The following TSPAN16 variants were observed in gnomAD, a reference collection of about 807,000 sequenced individuals.
TSPAN16 encodes the protein tetraspanin-16.
In TSPAN16, 23 loss-of-function variants were observed where a neutral mutation model predicts 25.2. That is an observed-to-expected ratio of 0.91 (90% CI 0.66 to 1.29). The LOEUF (loss-of-function observed/expected upper bound fraction) is 1.29, where lower values mean the gene tolerates loss of function less well. TSPAN16 is among the 50% of genes most tolerant of loss of function. The pLI, the probability that TSPAN16 is intolerant of heterozygous loss-of-function variation, is 0.00. For missense variants in TSPAN16, 272 were observed against 299.9 expected (o/e 0.91, Z 0.69); for synonymous variants, 123 against 124.4 (o/e 0.99, Z 0.08).
intron 5 of TSPAN16, among the ~76,000 whole-genome samples, chr19:11,309,216 A>G (rs1026151379): frequency 2.7e-5 from 4 of 146,158 alleles, no homozygotes; most frequent in East Asian, 2.0e-4. Flanking sequence ...TCTAAAATAG[A>G]CAAAAAAAAA....
At chr19:11,311,955 C>G (rs1314357154) in intron 5 of TSPAN16, among the ~76,000 whole-genome samples, 184 bp from the exon 6 acceptor site, 1 of 152,064 alleles carries the variant, frequency 6.6e-6, no homozygotes, top group Non-Finnish European at 1.5e-5. Context: ...AGGGAAGATG[C>G]TAGGGTGGCG....
chr19:11,301,139 G>A lies in TSPAN16; in HGVS notation c.343-62G>A, dbSNP rs2080542485. 4 of 1,411,820 alleles carry A rather than the reference G, an allele frequency of 2.8e-6. No individual in the cohort carries two copies. The Admixed American group carries it at 5.1e-5, about 18-fold the overall frequency. 87.5% of individuals were successfully genotyped at this position (1,411,820 alleles called of 1,614,324 possible). A position where few individuals can be genotyped will look rare whatever the true frequency, so the allele number is the denominator to read the frequency against. The stretch of plus-strand genomic sequence containing the variant: ...CTCCCACTCTATCCTCAAGAACCTC[G>A]GCCAATGAACGGGCCACTCTTGCTA... On this transcript the variant is annotated intron_variant, in intron 3 of 6. Coordinates refer to ENST00000590327, the MANE Select transcript of TSPAN16 (RefSeq NM_001282509.2).
intron 5 of TSPAN16, among the ~76,000 whole-genome samples, chr19:11,310,469 A>T (rs2080678383): frequency 6.6e-6 from 1 of 150,524 alleles, no homozygotes. Flanking sequence ...GAGCCAAGTT[A>T]GCGCCACTAC....
At chr19:11,300,485 A>G (rs982425279) in intron 3 of TSPAN16, among the ~76,000 whole-genome samples, 1 of 152,206 alleles carries the variant, frequency 6.6e-6, no homozygotes, top group Non-Finnish European at 1.5e-5. Context: ...GTAGGCACAG[A>G]ACTGACAAGG....
At chr19:11,324,626 T>C (rs1179012265) in intron 6 of TSPAN16, 1 of 152,578 alleles carries the variant, frequency 6.6e-6, no homozygotes, top group Non-Finnish European at 1.5e-5. Flanking sequence ...CCCAGTCTAA[T>C]GTGGTCCATA....
chr19:11,304,760 G>A lies in TSPAN16; in HGVS notation c.451-1844G>A, dbSNP rs145156503. ...AGGATGATCTTGATCTCCTGACCTC[G>A]TGATCTGTCCGCCTCGGCCTCCCAA... On this transcript the variant is annotated intron_variant, in intron 4 of 6. Transcript: ENST00000590327. 4.8e-3 allele frequency among the ~76,000 whole-genome samples: 726 copies of A among 152,048 alleles called. 9 individuals are homozygous for A. The highest frequency in any genetic ancestry group is 0.027 in the Admixed American group (405 of 15,246).
In TSPAN16 at chr19:11,315,894, GTCTCAGTTTTATT is replaced by G. The variant is rs2080744633; in HGVS notation, c.*61_*73del. ...GGCCCATCTGGCTGCTGGAGATTCA[GTCTCAGTTTTATT>G]TCTCTGTGGCACTCACTGCTTCTGG... On this transcript the variant is annotated 3_prime_UTR_variant, in exon 7 of 7. Coordinates refer to ENST00000590327, the MANE Select transcript of TSPAN16 (RefSeq NM_001282509.2). The G allele has an allele frequency of 1.6e-6, 2 of 1,231,712 alleles. No homozygotes were observed. The highest frequency in any genetic ancestry group is 2.0e-6 in the Non-Finnish European group (2 of 987,702). 76.3% of individuals were successfully genotyped at this position (1,231,712 alleles called of 1,614,324 possible).
exon 7 of TSPAN16, chr19:11,326,913 T>C (rs2080817097): frequency 1.9e-6 from 1 of 536,682 alleles, no homozygotes; most frequent in South Asian, 2.4e-5. Context: ...CTGGGCTTCC[T>C]GCATCCTTTT....
chr19:11,314,060 C>T (rs2080720886), intron 6 of TSPAN16, among the ~76,000 whole-genome samples: 1 of 151,936 alleles, frequency 6.6e-6, no homozygotes, highest in Admixed American at 6.6e-5. Flanking sequence ...CGTGGATGAC[C>T]CATATCAACA....
chr19:11,315,949 A>C lies in TSPAN16; in HGVS notation c.*111A>C. 8.1e-7 allele frequency: 1 copy of C among 1,229,716 alleles called. No individual in the cohort carries two copies. Among genetic ancestry groups the C allele is most frequent in the Non-Finnish European group, 1.0e-6 (1 of 986,580 alleles). The allele number at this position is 1,229,716 out of a possible 1,614,324, so 76.2% of individuals were successfully genotyped here. A position where few individuals can be genotyped will look rare whatever the true frequency, so the allele number is the denominator to read the frequency against. On this transcript the variant is annotated 3_prime_UTR_variant, in exon 7 of 7. Transcript: ENST00000590327. ...TGCTTCTGGAGGGGAGACTGTTAAT[A>C]AAAGATTTGGGAACCCCCTGTCCAG...
chr19:11,315,107 G>A (rs567612367), intron 6 of TSPAN16, among the ~76,000 whole-genome samples: 34 of 151,500 alleles, frequency 2.2e-4, no homozygotes, highest in African/African-American at 8.2e-4. Flanking sequence ...GTGGTGCTGG[G>A]CGCCTGTAAT....
intron 6 of TSPAN16, chr19:11,325,287 G>A: frequency 2.9e-6 from 2 of 699,842 alleles, no homozygotes; most frequent in South Asian, 1.9e-5. Context: ...GGGAGCAGTT[G>A]ACAGGAGGGA....
chr19:11,313,202 T>C (rs2080711499), intron 6 of TSPAN16, among the ~76,000 whole-genome samples: 1 of 152,074 alleles, frequency 6.6e-6, no homozygotes, highest in South Asian at 2.1e-4. Flanking sequence ...ATACAAGATA[T>C]TGCAATGACA....
chr19:11,325,987 G>A (rs774918679), intron 6 of TSPAN16, among the ~76,000 whole-genome samples: 2 of 151,974 alleles, frequency 1.3e-5, no homozygotes, highest in Non-Finnish European at 2.9e-5. Flanking sequence ...TTGGGAGGCC[G>A]AGGCGGGAGG....
downstream of TSPAN16, among the ~76,000 whole-genome samples, chr19:11,318,395 C>T (rs372164485): frequency 7.2e-5 from 11 of 152,076 alleles, no homozygotes; most frequent in East Asian, 1.4e-3. Context: ...CTCCTGACCT[C>T]GTGATCTGCC....
In TSPAN16 at chr19:11,313,324, G is replaced by A. The variant is rs994312102; in HGVS notation, c.687+1102G>A. Among the ~76,000 whole-genome samples the A allele has an allele frequency of 3.9e-5, 6 of 152,062 alleles. No homozygotes were observed. The East Asian group carries it at 7.7e-4, about 20-fold the overall frequency. On this transcript the variant is annotated intron_variant, in intron 6 of 6. Coordinates refer to ENST00000590327, the MANE Select transcript of TSPAN16 (RefSeq NM_001282509.2). ...GTGAAGAGATCGAGACCAGCCTGAC[G>A]AACATGGTGAAACCCTGTCTCTACT...
intron 6 of TSPAN16, among the ~76,000 whole-genome samples, chr19:11,313,542 AT>A (rs201617064): frequency 0.13 from 18,995 of 148,672 alleles, 1,264 homozygotes; most frequent in Non-Finnish European, 0.16. Context: ...AAAAAAAAAA[AT>A]TATATCTTAA....
chr19:11,321,721 G>A (rs1490577869), intron 6 of TSPAN16, among the ~76,000 whole-genome samples: 3 of 152,198 alleles, frequency 2.0e-5, no homozygotes. Flanking sequence ...GGGGGCCACA[G>A]GAAGGACCTC....
intron 6 of TSPAN16, among the ~76,000 whole-genome samples, chr19:11,315,052 A>G (rs1367566918): frequency 2.6e-5 from 4 of 151,312 alleles, no homozygotes; most frequent in African/African-American, 9.7e-5. Context: ...CCTGACCAAC[A>G]TGGTGAAACC....
Sources: allele counts gnomAD v4.1 joint callset (sites outside exome capture counted in the v4.1 genomes callset), GRCh38; gene constraint gnomAD v4.1.1; transcripts MANE v1.5; gene names NCBI Gene and HGNC (gene_info 2026-07-23, HGNC 2026-07-21).